The following KCNH8 variants were observed in gnomAD, a reference collection of about 807,000 sequenced individuals.
The protein encoded by KCNH8 is potassium voltage-gated channel subfamily H member 8.
In KCNH8, 70 loss-of-function variants were observed where a neutral mutation model predicts 103.6. That is an observed-to-expected ratio of 0.68 (90% CI 0.56 to 0.82). The LOEUF is 0.82. Ranked by LOEUF, KCNH8 falls within the 40% of genes least tolerant of loss-of-function variation. The probability of loss-of-function intolerance (pLI) is 0.00; values close to 1 mark genes in which losing one functional copy is unlikely to be tolerated. For synonymous variants in KCNH8, 498 were observed against 489.4 expected, an observed-to-expected ratio of 1.02 and a Z score of -0.23; for missense variants, 1,217 against 1,329.9, an observed-to-expected ratio of 0.92 and a Z score of 1.32.
intron 1 of KCNH8, among the ~76,000 whole-genome samples, chr3:19,171,117 T>G (rs2063344877): frequency 6.6e-6 from 1 of 152,142 alleles, no homozygotes; most frequent in Non-Finnish European, 1.5e-5. Flanking sequence ...GCATATATTT[T>G]GAGTAAAGAT....
chr3:19,479,484 A>T (rs1455239127), intron 11 of KCNH8, among the ~76,000 whole-genome samples: 1 of 152,144 alleles, frequency 6.6e-6, no homozygotes, highest in Non-Finnish European at 1.5e-5. Flanking sequence ...TCCTCAAAAA[A>T]TCTCTTCTTT....
chr3:19,288,335 C>A (rs931520571), intron 3 of KCNH8, among the ~76,000 whole-genome samples: 10 of 151,472 alleles, frequency 6.6e-5, no homozygotes. Flanking sequence ...CCCATTAACT[C>A]GTCATTTAAC....
At chr3:19,287,420 T>A (rs2064846979) in intron 3 of KCNH8, among the ~76,000 whole-genome samples, 1 of 152,136 alleles carries the variant, frequency 6.6e-6, no homozygotes, top group Non-Finnish European at 1.5e-5. Flanking sequence ...ATAATGAGAA[T>A]CTTACTAACT....
At chr3:19,293,814 A>T (rs1327452956) in intron 3 of KCNH8, among the ~76,000 whole-genome samples, 1 of 152,190 alleles carries the variant, frequency 6.6e-6, no homozygotes, top group Non-Finnish European at 1.5e-5. Context: ...TTGCAGATAG[A>T]GTGTCTGACA....
intron 3 of KCNH8, among the ~76,000 whole-genome samples, chr3:19,296,789 G>A (rs774500269): frequency 1.5e-4 from 22 of 151,656 alleles, no homozygotes; most frequent in East Asian, 1.9e-4. Context: ...ACAAATTGCC[G>A]CTAAAGAACT....
At chr3:19,218,512 T>C (rs919187567) in intron 1 of KCNH8, among the ~76,000 whole-genome samples, 1 of 152,224 alleles carries the variant, frequency 6.6e-6, no homozygotes, top group Non-Finnish European at 1.5e-5. Context: ...AGTCAGATCA[T>C]ATCACTCCTT....
At chr3:19,485,483 G>A (rs2125218641) in intron 11 of KCNH8, among the ~76,000 whole-genome samples, 1 of 152,302 alleles carries the variant, frequency 6.6e-6, no homozygotes, top group South Asian at 2.1e-4. Context: ...AGAAGTACTG[G>A]CCTAACAACT....
intron 1 of KCNH8, among the ~76,000 whole-genome samples, chr3:19,186,412 A>T (rs2063503365): frequency 6.6e-6 from 1 of 151,998 alleles, no homozygotes; most frequent in Non-Finnish European, 1.5e-5. Context: ...AACCTTGTTG[A>T]AACACCTGGC....
At chr3:19,266,384 A>G (rs2064511087) in intron 2 of KCNH8, among the ~76,000 whole-genome samples, 1 of 152,096 alleles carries the variant, frequency 6.6e-6, no homozygotes, top group Admixed American at 6.6e-5. Context: ...TCCCCCTGCC[A>G]GGAATGCTAC....
chr3:19,255,264 C>G (rs1468128563), intron 2 of KCNH8, among the ~76,000 whole-genome samples: 1 of 152,134 alleles, frequency 6.6e-6, no homozygotes, highest in Non-Finnish European at 1.5e-5. Context: ...AAATAAATTT[C>G]TATCGTTTAA....
Position 19,148,573 on chromosome 3 carries a change from C to T in KCNH8, c.-147C>T, listed in dbSNP as rs532936540. On this transcript the variant is annotated 5_prime_UTR_variant, in exon 1 of 16. Coordinates refer to ENST00000328405, the MANE Select transcript of KCNH8 (RefSeq NM_144633.3). ...AACTCTCTCCCTTTCTCCCTCCATC[C>T]TTCCACTTCCCCTGCTCGGCCCCGC... The T allele has an allele frequency of 5.9e-5, 44 of 742,684 alleles. No homozygotes were observed. The highest frequency in any genetic ancestry group is 3.3e-4 in the Admixed American group (16 of 48,436). The allele number at this position is 742,684 out of a possible 1,614,324, so 46.0% of individuals were successfully genotyped here.
intron 1 of KCNH8, among the ~76,000 whole-genome samples, chr3:19,226,778 G>T (rs1223030057): frequency 6.6e-6 from 1 of 152,136 alleles, no homozygotes; most frequent in Non-Finnish European, 1.5e-5. Flanking sequence ...AATTGGAATG[G>T]TGCCTTCTGG....
chr3:19,149,466 T>A (rs549776313), intron 1 of KCNH8, among the ~76,000 whole-genome samples: 223 of 151,464 alleles, frequency 1.5e-3, no homozygotes, highest in African/African-American at 5.2e-3. Flanking sequence ...TTTTTTTGAG[T>A]ACGAATATTA....
At chr3:19,366,203 TG>T (rs1254541753) in intron 5 of KCNH8, among the ~76,000 whole-genome samples, 1 of 152,074 alleles carries the variant, frequency 6.6e-6, no homozygotes, top group African/African-American at 2.4e-5. Context: ...CTTAATTTGA[TG>T]GAGTAATTCA....
At chr3:19,288,490 T>C (rs912666010) in intron 3 of KCNH8, among the ~76,000 whole-genome samples, 3 of 152,022 alleles carry the variant, frequency 2.0e-5, no homozygotes, top group Admixed American at 6.6e-5. Flanking sequence ...GTTTGGTTTT[T>C]TGTCCTTGTG....
intron 7 of KCNH8, among the ~76,000 whole-genome samples, chr3:19,412,824 A>T (rs1360247164): frequency 6.6e-6 from 1 of 151,996 alleles, no homozygotes; most frequent in Non-Finnish European, 1.5e-5. Flanking sequence ...AAACCGTGAG[A>T]TGTCATCTCA....
rs140672603 is a variant in KCNH8 at position 19,436,904 on chromosome 3, C to G, written c.1178-1260C>G. Among the ~76,000 whole-genome samples, 490 of 152,284 alleles carry G rather than the reference C, an allele frequency of 3.2e-3. 5 individuals are homozygous for G. The highest frequency in any genetic ancestry group is 6.8e-3 in the Middle Eastern group (2 of 294). On this transcript the variant is annotated intron_variant, in intron 7 of 15. Coordinates refer to ENST00000328405, the MANE Select transcript of KCNH8 (RefSeq NM_144633.3). ...GTTCGGACCCTCTTTAGCAAGCCCTCTAGGTGTTTCTGATGCAAGCTAAAG... is the reference window on the plus strand; with the variant it reads ...GTTCGGACCCTCTTTAGCAAGCCCTGTAGGTGTTTCTGATGCAAGCTAAAG...
At chr3:19,162,031 GT>G in intron 1 of KCNH8, among the ~76,000 whole-genome samples, 1 of 152,014 alleles carries the variant, frequency 6.6e-6, no homozygotes, top group East Asian at 1.9e-4. Context: ...CAATCTAAGT[GT>G]TCAACAAAGT....
At chr3:19,184,390 A>T (rs1012214209) in intron 1 of KCNH8, among the ~76,000 whole-genome samples, 1 of 151,986 alleles carries the variant, frequency 6.6e-6, no homozygotes, top group Non-Finnish European at 1.5e-5. Flanking sequence ...GAAGCATAGT[A>T]ATAATAAACA....
Sources: gnomAD v4.1 joint callset for allele counts (sites outside exome capture counted in the v4.1 genomes callset) on GRCh38, gnomAD v4.1.1 for gene constraint, MANE v1.5 for transcripts, NCBI Gene and HGNC (gene_info 2026-07-23, HGNC 2026-07-21) for gene names.